Variants in MB21D2 observed in about 807,000 individuals in gnomAD.
The protein encoded by MB21D2 is Mab-21 domain containing 2.
A neutral mutation model predicts 33.3 loss-of-function variants in MB21D2; 9 were observed. That is an observed-to-expected ratio of 0.27 (90% CI 0.16 to 0.47). MB21D2 has a LOEUF of 0.47. Among genes scored for constraint, MB21D2 ranks in the 20% least tolerant of loss-of-function variants. The probability of loss-of-function intolerance (pLI) is 0.99; values close to 1 mark genes in which losing one functional copy is unlikely to be tolerated. For synonymous variants in MB21D2, 241 were observed against 236.3 expected (o/e 1.02, Z -0.18); for missense variants, 540 against 624.6 (o/e 0.86, Z 1.44).
At chr3:192,810,621 C>A (rs181225369) in intron 1 of MB21D2, among the ~76,000 whole-genome samples, 1 of 152,134 alleles carries the variant, frequency 6.6e-6, no homozygotes, top group East Asian at 1.9e-4. Flanking sequence ...AAAATAAATT[C>A]CCATGTATCC....
chr3:192,828,770 T>G (rs1023384993), intron 1 of MB21D2, among the ~76,000 whole-genome samples: 1 of 149,460 alleles, frequency 6.7e-6, no homozygotes, highest in African/African-American at 2.5e-5. Context: ...TGCCTCAGCC[T>G]CCCGAGTAGC....
chr3:192,889,038 G>A (rs533125140), intron 1 of MB21D2, among the ~76,000 whole-genome samples: 1 of 152,188 alleles, frequency 6.6e-6, no homozygotes, highest in African/African-American at 2.4e-5. Context: ...CCACTGGGAG[G>A]AGCATGGAAA....
chr3:192,869,659 C>G (rs1026385590), intron 1 of MB21D2, among the ~76,000 whole-genome samples: 1 of 152,158 alleles, frequency 6.6e-6, no homozygotes, highest in African/African-American at 2.4e-5. Context: ...CTGAAAACCC[C>G]CCTTTCTCCT....
chr3:192,904,623 G>C lies in MB21D2; in HGVS notation c.211+13007C>G, dbSNP rs568250055. ...TCTCAGGCTCCATTCCAGAGTTACAGAGTCAGAAACTGTGGAAGTGGGGCC... is the reference window on the plus strand; with the variant it reads ...TCTCAGGCTCCATTCCAGAGTTACACAGTCAGAAACTGTGGAAGTGGGGCC... On this transcript the variant is annotated intron_variant, in intron 1 of 1. Coordinates refer to ENST00000392452, the MANE Select transcript of MB21D2 (RefSeq NM_178496.4). Among the ~76,000 whole-genome samples, 113 of 152,284 alleles carry C rather than the reference G, an allele frequency of 7.4e-4. 2 individuals are homozygous for C. In the South Asian group the frequency reaches 0.012, roughly 17 times the overall value.
intron 1 of MB21D2, among the ~76,000 whole-genome samples, chr3:192,913,843 G>C (rs1714406913): frequency 6.6e-6 from 1 of 152,070 alleles, no homozygotes; most frequent in Non-Finnish European, 1.5e-5. Context: ...AAAAAAGAGA[G>C]AGAAAATACT....
intron 1 of MB21D2, among the ~76,000 whole-genome samples, chr3:192,822,221 C>T (rs1712075622): frequency 1.3e-5 from 2 of 152,092 alleles, no homozygotes; most frequent in Non-Finnish European, 2.9e-5. Flanking sequence ...GGGGCATCTG[C>T]TTAAAGTTTT....
chr3:192,835,981 C>T (rs1712429283), intron 1 of MB21D2, among the ~76,000 whole-genome samples: 1 of 152,170 alleles, frequency 6.6e-6, no homozygotes, highest in Non-Finnish European at 1.5e-5. Context: ...AGTCCCACCA[C>T]TTCTAAGCTG....
At chr3:192,875,359 G>A (rs1553257) in intron 1 of MB21D2, among the ~76,000 whole-genome samples, 93,026 of 152,070 alleles carry the variant, frequency 0.61, 30,347 homozygotes, top group African/African-American at 0.84. Context: ...ATGAATAAAC[G>A]GCATGGTAAA....
chr3:192,880,082 C>G (rs551015885), intron 1 of MB21D2, among the ~76,000 whole-genome samples: 3 of 152,078 alleles, frequency 2.0e-5, no homozygotes, highest in African/African-American at 7.2e-5. Context: ...CAGTGGCTCA[C>G]GTCTGTAATC....
intron 1 of MB21D2, among the ~76,000 whole-genome samples, chr3:192,842,977 T>G (rs1712607077): frequency 1.3e-5 from 2 of 152,224 alleles, no homozygotes; most frequent in African/African-American, 4.8e-5. Flanking sequence ...TATCATGCCC[T>G]TGGGGTGAAA....
At position 192,798,606 on chromosome 3, in the gene MB21D2, T is replaced by C. The variant is rs781180984; in HGVS notation, c.1256A>G (p.Lys419Arg). 1.9e-5 allele frequency: 31 copies of C among 1,613,960 alleles called. No individual in the cohort carries two copies. Among genetic ancestry groups the C allele is most frequent in the Non-Finnish European group, 2.6e-5 (31 of 1,180,026 alleles). Reference protein sequence around the residue: ...EHLRTAIEHVKAANRLTLELQ... With the variant: ...EHLRTAIEHVRAANRLTLELQ... ...CTCCAGTGTCAGCCGGTTGGCTGCCTTGACATGCTCAATGGCGGTGCGCAA... is the reference window on the plus strand; with the variant it reads ...CTCCAGTGTCAGCCGGTTGGCTGCCCTGACATGCTCAATGGCGGTGCGCAA... The change falls in exon 2 of 2, where the codon AAG becomes AGG. Residue 419 changes from lysine (K) to arginine (R), a missense_variant. Physicochemically the swap from Lys to Arg is conservative, Grantham distance 26 (BLOSUM62 2). Coordinates refer to ENST00000392452, the MANE Select transcript of MB21D2 (RefSeq NM_178496.4). The surrounding 1 kb of genome is among the most constrained non-coding windows in gnomAD (Gnocchi z 4.8).
intron 1 of MB21D2, among the ~76,000 whole-genome samples, chr3:192,909,884 A>T (rs997076640): frequency 2.1e-5 from 3 of 143,566 alleles, no homozygotes; most frequent in African/African-American, 7.7e-5. Flanking sequence ...GTGAGCCAAG[A>T]TTGAGATCGG....
At chr3:192,857,869 A>G (rs930985547) in intron 1 of MB21D2, among the ~76,000 whole-genome samples, 13 of 152,172 alleles carry the variant, frequency 8.5e-5, no homozygotes, top group Non-Finnish European at 1.6e-4. Context: ...TCACACCTGT[A>G]ATCCCAGCAC....
At chr3:192,880,107 G>A (rs1346514490) in intron 1 of MB21D2, among the ~76,000 whole-genome samples, 1 of 152,116 alleles carries the variant, frequency 6.6e-6, no homozygotes, top group East Asian at 1.9e-4. Flanking sequence ...CACTTTGGGA[G>A]ACCGATGCAG....
At chr3:192,824,825 C>T (rs1003636155) in intron 1 of MB21D2, among the ~76,000 whole-genome samples, 3 of 152,116 alleles carry the variant, frequency 2.0e-5, no homozygotes, top group Non-Finnish European at 2.9e-5. Flanking sequence ...TCAAGCAAAC[C>T]GTGTTTTTTA....
At chr3:192,851,208 G>A (rs1038300395) in intron 1 of MB21D2, among the ~76,000 whole-genome samples, 5 of 151,984 alleles carry the variant, frequency 3.3e-5, no homozygotes, top group Admixed American at 6.6e-5. Context: ...ATTGTTACAC[G>A]GATAACCTTA....
At chr3:192,850,151 C>T (rs772411431) in intron 1 of MB21D2, among the ~76,000 whole-genome samples, 2 of 151,844 alleles carry the variant, frequency 1.3e-5, no homozygotes, top group Non-Finnish European at 2.9e-5. Context: ...AACTCCTGAC[C>T]TTATGATCCA....
chr3:192,825,483 AG>A (rs142960566), intron 1 of MB21D2, among the ~76,000 whole-genome samples: 11,015 of 152,106 alleles, frequency 0.072, 1,331 homozygotes, highest in African/African-American at 0.25. Flanking sequence ...TGAAATAAAA[AG>A]AAAAAAATCA....
In MB21D2 at chr3:192,849,450, T is replaced by A. The variant is rs535750027; in HGVS notation, c.212-49800A>T. Reference sequence around the variant, plus strand: ...CTCCTGCCTCAGCTTCCTGAGTAGCTGGGATTACAGGCATGTGCCACCACG... The same window carrying A: ...CTCCTGCCTCAGCTTCCTGAGTAGCAGGGATTACAGGCATGTGCCACCACG... On this transcript the variant is annotated intron_variant, in intron 1 of 1. Transcript: ENST00000392452. Among the ~76,000 whole-genome samples, 7 of 152,114 alleles carry A rather than the reference T, an allele frequency of 4.6e-5. No homozygotes were observed. The South Asian group carries it at 1.5e-3, about 32-fold the overall frequency.
Sources: gnomAD v4.1 joint callset for allele counts (sites outside exome capture counted in the v4.1 genomes callset) on GRCh38, gnomAD v4.1.1 for gene constraint, Gnocchi (gnomAD v3.1) non-coding constraint, MANE v1.5 for transcripts, NCBI Gene and HGNC (gene_info 2026-07-23, HGNC 2026-07-21) for gene names.